The following MED13L variants were observed in gnomAD, a reference collection of about 807,000 sequenced individuals.
MED13L encodes the protein mediator complex subunit 13L.
MED13L carries 7 observed loss-of-function variants against 220.9 expected under a neutral mutation model. The observed-to-expected ratio is 0.03, with a 90% CI of 0.02 to 0.06. MED13L has a LOEUF of 0.06. Ranked by LOEUF, MED13L falls within the 10% of genes least tolerant of loss-of-function variation. MED13L has a pLI of 1.00. For missense variants in MED13L, 1,965 were observed against 2,760.5 expected, an observed-to-expected ratio of 0.71 and a Z score of 6.46; for synonymous variants, 1,011 against 1,015.2, an observed-to-expected ratio of 1.00 and a Z score of 0.08.
In MED13L at chr12:116,188,676, A is replaced by G. The variant is rs184793791; in HGVS notation, c.310+48792T>C. Among the ~76,000 whole-genome samples, 223 of 152,260 alleles carry G rather than the reference A, an allele frequency of 1.5e-3. 3 individuals carry two copies. Among genetic ancestry groups the G allele is most frequent in the African/African-American group, 5.1e-3 (213 of 41,554 alleles). On this transcript the variant is annotated intron_variant, in intron 2 of 30. Coordinates refer to ENST00000281928, the MANE Select transcript of MED13L (RefSeq NM_015335.5). ...TGACACTGATATGGTCAAGATACAGACTATTTCCATCACAAGGATGCCTCA... is the reference window on the plus strand; with the variant it reads ...TGACACTGATATGGTCAAGATACAGGCTATTTCCATCACAAGGATGCCTCA...
Position 116,199,787 on chromosome 12 carries a change from A to G in MED13L, c.310+37681T>C, listed in dbSNP as rs182662283. On this transcript the variant is annotated intron_variant, in intron 2 of 30. Coordinates refer to ENST00000281928, the MANE Select transcript of MED13L (RefSeq NM_015335.5). ...CACCCCTCAAGAAATAAAGAAATCT[A>G]TCTGCCTTAACACCATACTTCCAAC... Among the ~76,000 whole-genome samples, 531 of 152,262 alleles carry G rather than the reference A, an allele frequency of 3.5e-3. 2 individuals are homozygous for G. Among genetic ancestry groups the G allele is most frequent in the Admixed American group, 8.0e-3 (123 of 15,288 alleles).
chr12:116,178,618 A>G (rs1437871295), intron 2 of MED13L, among the ~76,000 whole-genome samples: 1 of 152,230 alleles, frequency 6.6e-6, no homozygotes, highest in Non-Finnish European at 1.5e-5. Flanking sequence ...ATCCTGTGAT[A>G]CTTCTGCACT....
At chr12:116,047,329 G>T (rs564534890) in intron 4 of MED13L, among the ~76,000 whole-genome samples, 1 of 152,216 alleles carries the variant, frequency 6.6e-6, no homozygotes. Flanking sequence ...CCCAGCCTGG[G>T]TGACAGAGAA....
At chr12:116,046,015 C>T (rs992661982) in intron 4 of MED13L, among the ~76,000 whole-genome samples, 3 of 151,994 alleles carry the variant, frequency 2.0e-5, no homozygotes, top group African/African-American at 7.2e-5. Flanking sequence ...TGGAGAAAGA[C>T]ATGCTTAAAA....
intron 2 of MED13L, among the ~76,000 whole-genome samples, chr12:116,209,155 T>C (rs1184445903): frequency 2.6e-5 from 4 of 152,200 alleles, no homozygotes; most frequent in Admixed American, 6.5e-5. Context: ...GCAAAAATCA[T>C]CAATGATTAT....
intron 2 of MED13L, among the ~76,000 whole-genome samples, chr12:116,220,737 T>TA (rs1358392463): frequency 1.3e-5 from 2 of 152,184 alleles, no homozygotes; most frequent in Non-Finnish European, 2.9e-5. Flanking sequence ...TTTGCTTTGA[T>TA]ATACATATAT....
intron 1 of MED13L, among the ~76,000 whole-genome samples, chr12:116,254,847 T>C (rs1372574457): frequency 6.6e-6 from 1 of 152,216 alleles, no homozygotes; most frequent in Non-Finnish European, 1.5e-5. Context: ...GATAAAAGTA[T>C]GTTCCAGATC....
At chr12:116,056,042 TA>T (rs1868937391) in intron 4 of MED13L, among the ~76,000 whole-genome samples, 1 of 152,136 alleles carries the variant, frequency 6.6e-6, no homozygotes, top group Non-Finnish European at 1.5e-5. Context: ...AGAAGAGGAT[TA>T]AAAGCCAAGA....
intron 16 of MED13L, among the ~76,000 whole-genome samples, chr12:115,992,640 T>TA (rs1878141167): frequency 6.6e-6 from 1 of 152,220 alleles, no homozygotes; most frequent in African/African-American, 2.4e-5. Context: ...CATATGCGGC[T>TA]AAGAGGCCTC....
intron 30 of MED13L, 182 bp from the exon 31 acceptor site, chr12:115,961,580 A>G: frequency 1.2e-6 from 1 of 837,542 alleles, no homozygotes; most frequent in South Asian, 1.6e-5. Flanking sequence ...TGGACTATCC[A>G]GTACAGTAGC....
At chr12:116,015,319 T>C in intron 7 of MED13L, 45 bp from the exon 8 acceptor site, 1 of 1,595,094 alleles carries the variant, frequency 6.3e-7, no homozygotes, top group South Asian at 1.1e-5. Context: ...TCTGAAAAGG[T>C]TTCCTACTTC....
intron 2 of MED13L, among the ~76,000 whole-genome samples, chr12:116,141,112 T>C (rs17426613): frequency 0.01 from 1,543 of 152,284 alleles, 12 homozygotes; most frequent in South Asian, 0.018. Context: ...AAGATGCCAA[T>C]AAAATTAACC....
intron 4 of MED13L, among the ~76,000 whole-genome samples, chr12:116,075,243 T>C (rs1214503825): frequency 6.6e-6 from 1 of 152,226 alleles, no homozygotes; most frequent in Non-Finnish European, 1.5e-5. Context: ...GCTGCCCCTT[T>C]GCAGTGTGAC....
intron 4 of MED13L, among the ~76,000 whole-genome samples, chr12:116,028,242 T>C (rs1880519794): frequency 6.6e-6 from 1 of 152,226 alleles, no homozygotes; most frequent in Admixed American, 6.5e-5. Context: ...GTTCTATGAA[T>C]ACAATTATAG....
At chr12:115,972,286 T>C (rs776591581) in intron 25 of MED13L, 50 bp from the exon 26 acceptor site, 10 of 1,601,486 alleles carry the variant, frequency 6.2e-6, no homozygotes, top group African/African-American at 5.3e-5. Flanking sequence ...TTCATACTGA[T>C]GGGAGATTTG....
intron 9 of MED13L, among the ~76,000 whole-genome samples, chr12:116,010,079 G>A (rs1171746911): frequency 1.3e-5 from 2 of 152,158 alleles, no homozygotes; most frequent in Non-Finnish European, 2.9e-5. Flanking sequence ...GGATTTGTGG[G>A]GCATAATGGG....
chr12:116,167,275 G>A (rs1879351026), intron 2 of MED13L, among the ~76,000 whole-genome samples: 1 of 152,104 alleles, frequency 6.6e-6, no homozygotes, highest in South Asian at 2.1e-4. Flanking sequence ...TTAATATTAT[G>A]TTTACAAATG....
At position 115,987,137 on chromosome 12, in the gene MED13L, G is replaced by A. The variant is rs749495593; in HGVS notation, c.4086C>T (p.Phe1362=). ...AGGTTCCCCGTCCTGCCATTTTATG[G>A]AACTGCTGCCAAGTGAGTGGTCCCT... ...HVQGPLTWQQ[F]HKMAGRGTYG... is the part of the protein sequence containing the mutation. The change falls in exon 18 of 31, where the codon TTC becomes TTT. Residue 1362 remains phenylalanine (F), a synonymous_variant. Coordinates refer to ENST00000281928, the MANE Select transcript of MED13L (RefSeq NM_015335.5). 6.2e-6 allele frequency: 10 copies of A among 1,614,012 alleles called. No homozygotes were observed. The highest frequency in any genetic ancestry group is 1.6e-4 in the Middle Eastern group (1 of 6,078).
At chr12:116,115,789 T>C (rs1874461529) in intron 2 of MED13L, among the ~76,000 whole-genome samples, 1 of 152,104 alleles carries the variant, frequency 6.6e-6, no homozygotes, top group Non-Finnish European at 1.5e-5. Flanking sequence ...ATTAGGGAAA[T>C]GTAAATTAAA....
Sources: gnomAD v4.1 joint callset for allele counts (sites outside exome capture counted in the v4.1 genomes callset) on GRCh38, gnomAD v4.1.1 for gene constraint, MANE v1.5 for transcripts, NCBI Gene and HGNC (gene_info 2026-07-23, HGNC 2026-07-21) for gene names.